GPR137C: variants seen among roughly 807,000 people sequenced by gnomAD.
GPR137C encodes the protein integral membrane protein GPR137C.
Under a neutral mutation model 43.4 loss-of-function variants are expected in GPR137C, and 27 were observed. The observed-to-expected ratio is 0.62, with a 90% CI of 0.46 to 0.86. GPR137C has a LOEUF of 0.86. Ranked by LOEUF, GPR137C falls within the 40% of genes least tolerant of loss-of-function variation. GPR137C has a pLI of 0.00. For missense variants in GPR137C, 522 were observed against 534.6 expected (o/e 0.98, Z 0.23); for synonymous variants, 285 against 226.9 (o/e 1.26, Z -2.30).
chr14:52,557,625 A>G (rs1366950620), intron 1 of GPR137C, among the ~76,000 whole-genome samples: 2 of 152,352 alleles, frequency 1.3e-5, no homozygotes, highest in Non-Finnish European at 1.5e-5. Flanking sequence ...TCATCTGTGA[A>G]GCCGAAGTTT....
chr14:52,635,378 C>CA lies in GPR137C; in HGVS notation c.*264dup. On this transcript the variant is annotated 3_prime_UTR_variant, in exon 7 of 7. Coordinates refer to ENST00000321662, the MANE Select transcript of GPR137C (RefSeq NM_001099652.2). Reference sequence around the variant, plus strand: ...GCCTCCAAAAATCCTGACTTTGGAACATCAAATGCATATGTGCACTTTTAT... The same window carrying CA: ...GCCTCCAAAAATCCTGACTTTGGAACAATCAAATGCATATGTGCACTTTTAT... The CA allele has an allele frequency of 3.3e-6, 1 of 304,636 alleles. No individual in the cohort carries two copies. The highest frequency in any genetic ancestry group is 6.0e-6 in the Non-Finnish European group (1 of 167,666). 18.9% of individuals were successfully genotyped at this position (304,636 alleles called of 1,614,324 possible).
At chr14:52,568,322 T>C (rs971076502) in intron 1 of GPR137C, among the ~76,000 whole-genome samples, 1 of 152,118 alleles carries the variant, frequency 6.6e-6, no homozygotes, top group Admixed American at 6.5e-5. Context: ...ACCAGGAGAT[T>C]CCCTTGGGTG....
At chr14:52,559,359 C>T (rs149938469) in intron 1 of GPR137C, among the ~76,000 whole-genome samples, 111 of 151,982 alleles carry the variant, frequency 7.3e-4, no homozygotes, top group African/African-American at 2.6e-3. Flanking sequence ...TCTAGCCTGG[C>T]GACAGAGCAA....
At position 52,552,942 on chromosome 14, in the gene GPR137C, C is replaced by T. The variant is rs910324674; in HGVS notation, c.-206C>T. Among the ~76,000 whole-genome samples the T allele has an allele frequency of 1.3e-5, 2 of 151,682 alleles. No individual in the cohort carries two copies. The highest frequency in any genetic ancestry group is 2.4e-5 in the African/African-American group (1 of 41,326). ...CGAGCCGCAGCAGGAGGAGCCGAGACCCCCGGGGGGTGGGGGGAAAGAGGA... is the reference window on the plus strand; with the variant it reads ...CGAGCCGCAGCAGGAGGAGCCGAGATCCCCGGGGGGTGGGGGGAAAGAGGA... On this transcript the variant is annotated 5_prime_UTR_variant, in exon 1 of 7. Transcript: ENST00000321662.
rs145004587 is a variant in GPR137C, at chr14:52,620,255, T to C, written c.718-11905T>C. Among the ~76,000 whole-genome samples the C allele has an allele frequency of 3.1e-3, 479 of 152,098 alleles. 3 individuals carry two copies. Among genetic ancestry groups the C allele is most frequent in the African/African-American group, 0.011 (451 of 41,528 alleles). Reference sequence around the variant, plus strand: ...TGAGTAGGAAATCTCAGGAAGAAGATACCAGATAGAAGAAGACCCATACTC... The same window carrying C: ...TGAGTAGGAAATCTCAGGAAGAAGACACCAGATAGAAGAAGACCCATACTC... On this transcript the variant is annotated intron_variant, in intron 3 of 6. Coordinates refer to ENST00000321662, the MANE Select transcript of GPR137C (RefSeq NM_001099652.2).
intron 1 of GPR137C, among the ~76,000 whole-genome samples, chr14:52,568,237 G>T (rs1008694428): frequency 1.3e-5 from 2 of 152,156 alleles, no homozygotes; most frequent in Non-Finnish European, 2.9e-5. Flanking sequence ...GGAAAGCCAT[G>T]AGGGACTCTG....
At chr14:52,577,183 C>CAAAAAAAAAAAAAAAAAAAAA (rs34249999) in intron 1 of GPR137C, among the ~76,000 whole-genome samples, 1 of 41,148 alleles carries the variant, frequency 2.4e-5, no homozygotes, top group Non-Finnish European at 4.1e-5. Context: ...TAAGACTCCT[C>CAAAAAAAAAAAAAAAAAAAAA]AAAAAAAAAA....
chr14:52,566,708 G>T (rs1396732456), intron 1 of GPR137C, among the ~76,000 whole-genome samples: 4 of 152,196 alleles, frequency 2.6e-5, no homozygotes, highest in Admixed American at 2.6e-4. Context: ...TACGTTTTTA[G>T]ACATGAATTA....
At chr14:52,580,528 A>C (rs2038628064) in intron 1 of GPR137C, among the ~76,000 whole-genome samples, 1 of 151,758 alleles carries the variant, frequency 6.6e-6, no homozygotes, top group South Asian at 2.1e-4. Context: ...CACCCAGTTA[A>C]TTTTTTTGTA....
intron 3 of GPR137C, among the ~76,000 whole-genome samples, chr14:52,621,111 A>G (rs1043275224): frequency 2.6e-5 from 4 of 152,024 alleles, no homozygotes; most frequent in African/African-American, 9.6e-5. Context: ...GTCTAGGGTC[A>G]TTACAGTTAA....
intron 1 of GPR137C, among the ~76,000 whole-genome samples, chr14:52,568,175 GTCACC>G (rs941205230): frequency 6.6e-6 from 1 of 152,116 alleles, no homozygotes; most frequent in African/African-American, 2.4e-5. Flanking sequence ...AGGGTGGGGC[GTCACC>G]TCACCCGGGA....
At chr14:52,565,903 CATT>C (rs1170199005) in intron 1 of GPR137C, among the ~76,000 whole-genome samples, 3 of 152,110 alleles carry the variant, frequency 2.0e-5, no homozygotes, top group African/African-American at 7.2e-5. Flanking sequence ...ATTTGCAAAT[CATT>C]ATTTTTCTGG....
chr14:52,600,202 C>T lies in GPR137C; in HGVS notation c.578C>T (p.Pro193Leu). The T allele has an allele frequency of 6.2e-7, 1 of 1,613,744 alleles. No homozygotes were observed. Among genetic ancestry groups the T allele is most frequent in the South Asian group, 1.1e-5 (1 of 91,076 alleles). ...GCAATGCTAGTTCATGGAGATGTCC[C>T]AGAAAATCAGTTGAAGTGGACTGTG... ...TCAMLVHGDV[P>L]ENQLKWTVFV... The change falls in exon 3 of 7, where the codon CCA becomes CTA. Residue 193 changes from proline to leucine, a missense_variant. Physicochemically the swap from Pro to Leu is moderately conservative, Grantham distance 98. This residue lies in a region of GPR137C where 437 missense variants were observed against 425.7 expected (regional missense o/e 1.03). Coordinates refer to ENST00000321662, the MANE Select transcript of GPR137C (RefSeq NM_001099652.2).
chr14:52,632,226 T>A lies in GPR137C; in HGVS notation c.784T>A (p.Cys262Ser), dbSNP rs1009099759. 1 of 1,607,586 alleles carries A rather than the reference T, an allele frequency of 6.2e-7. No homozygotes were observed. The highest frequency in any genetic ancestry group is 8.5e-7 in the Non-Finnish European group (1 of 1,174,168). The change falls in exon 4 of 7, where the codon TGT (cysteine) becomes AGT (serine). Residue 262 changes from cysteine to serine, a missense_variant. Transcript: ENST00000321662. ...VVILLYSSRA[C>S]YNLVVVTISQ... ...CATTCTTCTGTACTCTTCCAGAGCT[T>A]GTTATAATTTGGTGGTGGTCACCAT...
At chr14:52,626,657 TAAAC>T (rs1449220845) in intron 3 of GPR137C, among the ~76,000 whole-genome samples, 1 of 152,120 alleles carries the variant, frequency 6.6e-6, no homozygotes, top group Non-Finnish European at 1.5e-5. Context: ...ATACAAAAGG[TAAAC>T]AATGGGAATT....
chr14:52,567,620 C>T (rs1459098120), intron 1 of GPR137C, among the ~76,000 whole-genome samples: 2 of 150,068 alleles, frequency 1.3e-5, no homozygotes, highest in African/African-American at 2.4e-5. Flanking sequence ...CTATTGTCAG[C>T]GTTCATCACT....
At chr14:52,564,947 T>C (rs1028845913) in intron 1 of GPR137C, among the ~76,000 whole-genome samples, 2 of 151,044 alleles carry the variant, frequency 1.3e-5, no homozygotes. Context: ...AAAAAAATGC[T>C]TGCTTTAAAA....
chr14:52,600,196 A>G lies in GPR137C; in HGVS notation c.572A>G (p.Asp191Gly). ...NLTCAMLVHG[D>G]VPENQLKWTV... Reference sequence around the variant, plus strand: ...ACTTGCGCAATGCTAGTTCATGGAGATGTCCCAGAAAATCAGTTGAAGTGG... The same window carrying G: ...ACTTGCGCAATGCTAGTTCATGGAGGTGTCCCAGAAAATCAGTTGAAGTGG... The change falls in exon 3 of 7, where the codon GAT becomes GGT. Residue 191 changes from aspartate (D) to glycine (G), a missense_variant. Physicochemically the swap from Asp to Gly is moderately conservative, Grantham distance 94. Transcript: ENST00000321662. The G allele has an allele frequency of 6.2e-7, 1 of 1,613,876 alleles. No individual in the cohort carries two copies. The highest frequency in any genetic ancestry group is 1.7e-5 in the Admixed American group (1 of 60,010).
chr14:52,582,439 A>C (rs780153825), intron 1 of GPR137C, among the ~76,000 whole-genome samples: 24 of 152,340 alleles, frequency 1.6e-4, no homozygotes, highest in Admixed American at 9.8e-4. Flanking sequence ...ATATATTTGC[A>C]ATACTCTCAT....
Sources: allele counts gnomAD v4.1 joint callset (sites outside exome capture counted in the v4.1 genomes callset), GRCh38; gene constraint gnomAD v4.1.1; regional missense constraint gnomAD v4.1.1; transcripts MANE v1.5; gene names NCBI Gene and HGNC (gene_info 2026-07-23, HGNC 2026-07-21).